STK32B: variants seen among roughly 807,000 people sequenced by gnomAD.
The protein encoded by STK32B is serine/threonine kinase 32B, also known as serine/threonine-protein kinase 32B.
Under a neutral mutation model 52.6 loss-of-function variants are expected in STK32B, and 43 were observed. The observed-to-expected ratio is 0.82, with a 90% CI of 0.64 to 1.05. The LOEUF is 1.05. Among genes scored for constraint, STK32B ranks in the 50% least tolerant of loss-of-function variants. The probability of loss-of-function intolerance (pLI) is 0.00; values close to 1 mark genes in which losing one functional copy is unlikely to be tolerated. For missense variants in STK32B, 621 were observed against 534.6 expected, an observed-to-expected ratio of 1.16 and a Z score of -1.59; for synonymous variants, 238 against 204.3, an observed-to-expected ratio of 1.17 and a Z score of -1.41.
intron 1 of STK32B, among the ~76,000 whole-genome samples, chr4:5,060,703 G>A (rs1348565937): frequency 6.6e-6 from 1 of 152,004 alleles, no homozygotes; most frequent in Non-Finnish European, 1.5e-5. Context: ...ATGCTTTGTA[G>A]TGACAAATTT....
chr4:5,368,453 A>G (rs943923662), intron 4 of STK32B, among the ~76,000 whole-genome samples: 5 of 151,670 alleles, frequency 3.3e-5, no homozygotes, highest in African/African-American at 7.3e-5. Context: ...TAGGTCTACT[A>G]TTATTCCTAA....
At chr4:5,432,671 G>C (rs1311725753) in intron 6 of STK32B, among the ~76,000 whole-genome samples, 1 of 152,108 alleles carries the variant, frequency 6.6e-6, no homozygotes, top group Admixed American at 6.6e-5. Context: ...AAGAATAGTG[G>C]CCAAATATGA....
At chr4:5,077,483 A>G (rs1276994012) in intron 1 of STK32B, among the ~76,000 whole-genome samples, 1 of 152,170 alleles carries the variant, frequency 6.6e-6, no homozygotes, top group African/African-American at 2.4e-5. Flanking sequence ...AGACACTTCC[A>G]GGCAGCTTCT....
intron 6 of STK32B, among the ~76,000 whole-genome samples, chr4:5,419,013 A>G (rs1398505080): frequency 6.6e-6 from 1 of 152,178 alleles, no homozygotes; most frequent in African/African-American, 2.4e-5. Context: ...ATCGGCTATA[A>G]CTTTCTTATT....
At position 5,317,295 on chromosome 4, in the gene STK32B, A is replaced by AATATATAACATAT. The variant is rs1560313702; in HGVS notation, c.261-13917_261-13916insCATATATATATAA. 7.9e-5 allele frequency among the ~76,000 whole-genome samples: 3 copies of AATATATAACATAT among 37,872 alleles called. 1 individual carries two copies. The highest frequency in any genetic ancestry group is 6.3e-4 in the African/African-American group (3 of 4,758). The allele number at this position is 37,872 out of a possible 152,430, so 24.8% of individuals were successfully genotyped here. On this transcript the variant is annotated intron_variant, in intron 3 of 11. Transcript: ENST00000282908. ...AATATATAACATATAACATATATAT[A>AATATATAACATAT]ATATATAATATATAACATATGTATA...
chr4:5,329,359 T>A (rs1732079915), intron 3 of STK32B, among the ~76,000 whole-genome samples: 1 of 152,186 alleles, frequency 6.6e-6, no homozygotes, highest in Non-Finnish European at 1.5e-5. Flanking sequence ...CCCTCCGCTG[T>A]TTGTGCAGGT....
chr4:5,224,660 C>G (rs1433455750), intron 3 of STK32B, among the ~76,000 whole-genome samples: 1 of 152,116 alleles, frequency 6.6e-6, no homozygotes, highest in South Asian at 2.1e-4. Context: ...AGGCCTACTA[C>G]TGGGGAATCA....
intron 1 of STK32B, among the ~76,000 whole-genome samples, chr4:5,111,447 C>A (rs76473981): frequency 0.015 from 2,300 of 152,176 alleles, 69 homozygotes; most frequent in African/African-American, 0.053. Flanking sequence ...AAAAGGAAAA[C>A]ATCGTGTCCT....
chr4:5,229,936 A>G (rs1424717990), intron 3 of STK32B, among the ~76,000 whole-genome samples: 3 of 152,090 alleles, frequency 2.0e-5, no homozygotes, highest in African/African-American at 4.8e-5. Flanking sequence ...TCTGAGAACA[A>G]TCTGAGATCA....
intron 1 of STK32B, among the ~76,000 whole-genome samples, chr4:5,080,268 G>A (rs6811343): frequency 0.16 from 23,921 of 151,986 alleles, 2,364 homozygotes; most frequent in African/African-American, 0.29. Context: ...TGCTTTCCCC[G>A]TCACTCTCTT....
chr4:5,048,860 A>C (rs904033372), upstream of STK32B, among the ~76,000 whole-genome samples: 2 of 152,222 alleles, frequency 1.3e-5, no homozygotes, highest in Non-Finnish European at 2.9e-5. Context: ...GAGGATGAGA[A>C]AATCCATGCA....
At chr4:5,220,020 T>C (rs1723423695) in intron 3 of STK32B, among the ~76,000 whole-genome samples, 1 of 152,194 alleles carries the variant, frequency 6.6e-6, no homozygotes, top group African/African-American at 2.4e-5. Context: ...TATAAGGCTG[T>C]GGGCACGTTC....
At chr4:5,181,364 A>G (rs1454587047) in intron 3 of STK32B, among the ~76,000 whole-genome samples, 3 of 100,396 alleles carry the variant, frequency 3.0e-5, no homozygotes, top group African/African-American at 8.4e-5. Flanking sequence ...ACACACACAC[A>G]CACAGAGATC....
At chr4:5,335,349 C>G (rs1732584413) in intron 4 of STK32B, among the ~76,000 whole-genome samples, 1 of 152,040 alleles carries the variant, frequency 6.6e-6, no homozygotes, top group Admixed American at 6.6e-5. Context: ...TTTATTGCAT[C>G]TATTTGATTC....
intron 6 of STK32B, among the ~76,000 whole-genome samples, chr4:5,443,385 G>A (rs1714989731): frequency 2.0e-5 from 3 of 151,742 alleles, no homozygotes. Context: ...CCTTTTTCCA[G>A]TTGATCGCAT....
intron 6 of STK32B, among the ~76,000 whole-genome samples, chr4:5,431,577 A>G (rs374135858): frequency 6.6e-6 from 1 of 151,842 alleles, no homozygotes; most frequent in Non-Finnish European, 1.5e-5. Context: ...ATACTGGTGC[A>G]TCATTTATTT....
chr4:5,433,812 G>T (rs1011773297), intron 6 of STK32B, among the ~76,000 whole-genome samples: 16 of 152,172 alleles, frequency 1.1e-4, no homozygotes, highest in African/African-American at 3.9e-4. Flanking sequence ...GGAGGTGATT[G>T]TATGCTTTCC....
intron 1 of STK32B, among the ~76,000 whole-genome samples, chr4:5,113,746 A>G (rs115175515): frequency 3.3e-4 from 50 of 152,310 alleles, no homozygotes; most frequent in Non-Finnish European, 5.6e-4. Context: ...GTCTATTTTC[A>G]TGCTGCTGAT....
chr4:5,250,738 C>G (rs1263257533), intron 3 of STK32B, among the ~76,000 whole-genome samples: 1 of 152,136 alleles, frequency 6.6e-6, no homozygotes, highest in African/African-American at 2.4e-5. Flanking sequence ...TATTTTTTGA[C>G]TTTTTAATAA....
Sources: gnomAD v4.1 joint callset for allele counts (sites outside exome capture counted in the v4.1 genomes callset) on GRCh38, gnomAD v4.1.1 for gene constraint, MANE v1.5 for transcripts, NCBI Gene and HGNC (gene_info 2026-07-23, HGNC 2026-07-21) for gene names.